CACNB4: variants seen among roughly 807,000 people sequenced by gnomAD.
The protein encoded by CACNB4 is voltage-dependent L-type calcium channel subunit beta-4.
CACNB4 carries 32 observed loss-of-function variants against 71.2 expected under a neutral mutation model. The ratio of observed to expected loss-of-function variants is 0.45; its 90% CI spans 0.34 to 0.60. The LOEUF is 0.60. Ranked by LOEUF, CACNB4 falls within the 20% of genes least tolerant of loss-of-function variation. CACNB4 has a pLI of 0.01. For synonymous variants in CACNB4, 231 were observed against 236.9 expected, an observed-to-expected ratio of 0.97 and a Z score of 0.23; for missense variants, 464 against 647.9, an observed-to-expected ratio of 0.72 and a Z score of 3.08.
chr2:151,861,846 A>AAAAAAAAAAAAAAAAAAAAAAAC (rs2099841763), intron 9 of CACNB4: 1 of 151,478 alleles, frequency 6.6e-6, no homozygotes, highest in African/African-American at 2.4e-5. Context: ...CTGTCTCAAA[A>AAAAAAAAAAAAAAAAAAAAAAAC]AAAAAAAAAA....
chr2:151,989,334 C>A (rs1251638708), intron 2 of CACNB4, among the ~76,000 whole-genome samples: 1 of 152,222 alleles, frequency 6.6e-6, no homozygotes, highest in East Asian at 1.9e-4. Context: ...GTCTTCATTT[C>A]TTCTCCATTA....
intron 2 of CACNB4, among the ~76,000 whole-genome samples, chr2:151,922,583 G>C (rs994629310): frequency 1.3e-5 from 2 of 152,168 alleles, no homozygotes; most frequent in Non-Finnish European, 2.9e-5. Context: ...ACATCTTTGG[G>C]CAGCCATTGT....
chr2:152,002,981 A>T (rs1682510065), intron 2 of CACNB4, among the ~76,000 whole-genome samples: 1 of 152,240 alleles, frequency 6.6e-6, no homozygotes, highest in Admixed American at 6.5e-5. Context: ...CTGCATTTTT[A>T]AAATACATTC....
chr2:151,962,048 G>A (rs1046554790), intron 2 of CACNB4, among the ~76,000 whole-genome samples: 13 of 152,288 alleles, frequency 8.5e-5, no homozygotes, highest in South Asian at 6.2e-4. Flanking sequence ...ATGGCTAACC[G>A]GTAAGCTCTG....
chr2:151,912,621 C>T (rs1358552502), intron 2 of CACNB4, among the ~76,000 whole-genome samples: 1 of 152,196 alleles, frequency 6.6e-6, no homozygotes, highest in Non-Finnish European at 1.5e-5. Context: ...CCAGGTGGCA[C>T]TGAGAAGAAT....
chr2:151,973,553 G>C, intron 2 of CACNB4: 2 of 915,908 alleles, frequency 2.2e-6, no homozygotes, highest in South Asian at 1.5e-5. Flanking sequence ...AATGATGTTA[G>C]CTTTCTGCTC....
At chr2:151,884,233 G>C (rs1307253883) in intron 2 of CACNB4, 2 of 151,784 alleles carry the variant, frequency 1.3e-5, no homozygotes, top group East Asian at 1.9e-4. Flanking sequence ...CCGGGAGGCA[G>C]AGGTTGCAGT....
At chr2:151,989,264 C>T (rs1349715622) in intron 2 of CACNB4, among the ~76,000 whole-genome samples, 2 of 152,238 alleles carry the variant, frequency 1.3e-5, no homozygotes, top group Non-Finnish European at 2.9e-5. Context: ...CCTCTTCCAG[C>T]TATCAACTTA....
At chr2:151,851,813 C>G (rs1405493499) in intron 12 of CACNB4, 1 of 152,142 alleles carries the variant, frequency 6.6e-6, no homozygotes, top group Non-Finnish European at 1.5e-5. Flanking sequence ...TAAGATTGTT[C>G]CAAAAATTGG....
intron 2 of CACNB4, among the ~76,000 whole-genome samples, chr2:151,899,569 G>A (rs940353852): frequency 6.6e-6 from 1 of 152,150 alleles, no homozygotes; most frequent in Non-Finnish European, 1.5e-5. Context: ...TATAGCTTTA[G>A]TCATTTTTAC....
intron 2 of CACNB4, among the ~76,000 whole-genome samples, chr2:151,978,697 C>T (rs759699291): frequency 2.0e-5 from 3 of 152,190 alleles, no homozygotes; most frequent in Non-Finnish European, 2.9e-5. Flanking sequence ...CATCATTCTC[C>T]GCCTGGGTTC....
intron 9 of CACNB4, chr2:151,866,966 C>T (rs2099843304): frequency 6.6e-6 from 1 of 152,190 alleles, no homozygotes; most frequent in Admixed American, 6.5e-5. Context: ...TGATTCGAGA[C>T]AAATCTCTGC....
At chr2:152,012,429 C>T (rs560058926) in intron 2 of CACNB4, among the ~76,000 whole-genome samples, 8 of 152,120 alleles carry the variant, frequency 5.3e-5, no homozygotes, top group Admixed American at 2.0e-4. Flanking sequence ...CATGGTGAAA[C>T]GCAGCCTCTA....
chr2:151,939,569 C>T (rs976685088), intron 2 of CACNB4, among the ~76,000 whole-genome samples: 4 of 152,192 alleles, frequency 2.6e-5, no homozygotes, highest in African/African-American at 7.2e-5. Context: ...TGTAATCTCC[C>T]TCTGTCTCTG....
At chr2:151,942,844 T>G (rs2099864607) in intron 2 of CACNB4, among the ~76,000 whole-genome samples, 1 of 152,118 alleles carries the variant, frequency 6.6e-6, no homozygotes, top group African/African-American at 2.4e-5. Context: ...GTCAGACCGG[T>G]TCTCTGCTCT....
At chr2:151,929,332 A>G (rs887477630) in intron 2 of CACNB4, among the ~76,000 whole-genome samples, 5 of 152,248 alleles carry the variant, frequency 3.3e-5, no homozygotes, top group Admixed American at 6.5e-5. Flanking sequence ...ATGCACACAC[A>G]TACGTAAAAC....
At chr2:152,000,455 A>G (rs1219860078) in intron 2 of CACNB4, among the ~76,000 whole-genome samples, 4 of 152,226 alleles carry the variant, frequency 2.6e-5, no homozygotes, top group African/African-American at 9.6e-5. Flanking sequence ...AAGTGGATTC[A>G]AACCTGTGAA....
At chr2:152,043,886 G>T (rs2105258859) in intron 2 of CACNB4, among the ~76,000 whole-genome samples, 1 of 152,130 alleles carries the variant, frequency 6.6e-6, no homozygotes, top group Non-Finnish European at 1.5e-5. Context: ...ACAAACATTT[G>T]ATTCTATCAG....
intron 2 of CACNB4, among the ~76,000 whole-genome samples, chr2:151,895,104 A>C (rs1459435844): frequency 0.052 from 966 of 18,612 alleles, 19 homozygotes; most frequent in Non-Finnish European, 0.1. Context: ...CCCCACACAC[A>C]CACACACACA....
Sources: allele counts gnomAD v4.1 joint callset (sites outside exome capture counted in the v4.1 genomes callset), GRCh38; gene constraint gnomAD v4.1.1; transcripts MANE v1.5; gene names NCBI Gene and HGNC (gene_info 2026-07-23, HGNC 2026-07-21).